GLG1: variants seen among roughly 807,000 people sequenced by gnomAD.
The protein encoded by GLG1 is Golgi apparatus protein 1.
A neutral mutation model predicts 160.5 loss-of-function variants in GLG1; 38 were observed. The observed-to-expected ratio is 0.24, with a 90% CI of 0.18 to 0.31. GLG1 has a LOEUF of 0.31. GLG1 is among the 10% of genes least tolerant of loss of function. The pLI is 1.00. For synonymous variants in GLG1, 644 were observed against 543.4 expected (o/e 1.19, Z -2.57); for missense variants, 1,373 against 1,505.2 (o/e 0.91, Z 1.45).
At chr16:74,559,474 A>C (rs1487794566) in intron 1 of GLG1, among the ~76,000 whole-genome samples, 6 of 109,736 alleles carry the variant, frequency 5.5e-5, no homozygotes. Flanking sequence ...CTGGGGGAGG[A>C]GGGGCGATGG....
intron 1 of GLG1, among the ~76,000 whole-genome samples, chr16:74,593,586 G>A (rs1325356694): frequency 2.0e-5 from 3 of 150,528 alleles, no homozygotes; most frequent in Non-Finnish European, 4.4e-5. Flanking sequence ...AGGCATGTGT[G>A]ACCATGCCTG....
rs577897478 is a variant in GLG1, at chr16:74,572,842, A to G, written c.438+33815T>C. ...AAGCCCAATTTATAGCAGGTTGGTC[A>G]GAAGCACAGGTCAAACCTGTGTTTG... On this transcript the variant is annotated intron_variant, in intron 1 of 25. Coordinates refer to ENST00000422840, the MANE Select transcript of GLG1 (RefSeq NM_001145667.2). Among the ~76,000 whole-genome samples, 3 of 152,358 alleles carry G rather than the reference A, an allele frequency of 2.0e-5. No individual in the cohort carries two copies. In the East Asian group the frequency reaches 5.8e-4, roughly 29 times the overall value.
chr16:74,593,546 T>C (rs554657841), intron 1 of GLG1, among the ~76,000 whole-genome samples: 3 of 151,094 alleles, frequency 2.0e-5, no homozygotes, highest in Admixed American at 6.6e-5. Flanking sequence ...GCGATTCTCC[T>C]GCCTCAGCCT....
intron 2 of GLG1, among the ~76,000 whole-genome samples, chr16:74,512,592 C>G (rs1363615192): frequency 6.6e-6 from 1 of 151,572 alleles, no homozygotes; most frequent in Non-Finnish European, 1.5e-5. Flanking sequence ...ATCCATGAAT[C>G]TATCTGTTCA....
chr16:74,476,383 T>C (rs2015391225), intron 12 of GLG1, among the ~76,000 whole-genome samples: 1 of 152,164 alleles, frequency 6.6e-6, no homozygotes, highest in African/African-American at 2.4e-5. Flanking sequence ...CCAACAGAAC[T>C]GTAGCAGGCT....
intron 3 of GLG1, among the ~76,000 whole-genome samples, chr16:74,506,023 C>A (rs1171867884): frequency 2.0e-5 from 1 of 50,596 alleles, no homozygotes; most frequent in African/African-American, 7.2e-5. Context: ...ATGAGAGACT[C>A]CATCTTAAAA....
At chr16:74,482,331 C>T (rs1203814026) in intron 10 of GLG1, among the ~76,000 whole-genome samples, 1 of 152,094 alleles carries the variant, frequency 6.6e-6, no homozygotes, top group Admixed American at 6.6e-5. Flanking sequence ...AACTACCACA[C>T]CATGGTGGCT....
At chr16:74,517,717 A>C (rs1232933377) in intron 2 of GLG1, among the ~76,000 whole-genome samples, 1 of 152,196 alleles carries the variant, frequency 6.6e-6, no homozygotes, top group Admixed American at 6.5e-5. Context: ...AGGCAAGAGA[A>C]AGCAATAAAG....
At chr16:74,559,430 G>A (rs902902823) in intron 1 of GLG1, among the ~76,000 whole-genome samples, 2 of 151,336 alleles carry the variant, frequency 1.3e-5, no homozygotes, top group African/African-American at 4.9e-5. Context: ...GGTGACAGAG[G>A]GAGATCCTGT....
intron 2 of GLG1, among the ~76,000 whole-genome samples, chr16:74,531,767 T>A (rs2017541986): frequency 6.6e-6 from 1 of 152,258 alleles, no homozygotes; most frequent in Non-Finnish European, 1.5e-5. Flanking sequence ...AGTCTCCTTT[T>A]AATGTGCTAC....
At chr16:74,548,715 G>A (rs190464038) in intron 1 of GLG1, among the ~76,000 whole-genome samples, 311 of 152,164 alleles carry the variant, frequency 2.0e-3, no homozygotes, top group Admixed American at 4.1e-3. Context: ...ACCAAACAGG[G>A]CCAGGTACAG....
intron 1 of GLG1, among the ~76,000 whole-genome samples, chr16:74,535,844 A>G (rs987275574): frequency 1.3e-5 from 2 of 152,218 alleles, no homozygotes; most frequent in African/African-American, 4.8e-5. Flanking sequence ...CCAAATCGCT[A>G]TGAAGAATTG....
rs566541505 is a variant in GLG1 at position 74,597,514 on chromosome 16, T to C, written c.438+9143A>G. Reference sequence around the variant, plus strand: ...CAAGCAGATCACCTGAGGTCAGGAGTTCAAGACCAGCATAGCCAACATGGC... The same window carrying C: ...CAAGCAGATCACCTGAGGTCAGGAGCTCAAGACCAGCATAGCCAACATGGC... On this transcript the variant is annotated intron_variant, in intron 1 of 25. Coordinates refer to ENST00000422840, the MANE Select transcript of GLG1 (RefSeq NM_001145667.2). Among the ~76,000 whole-genome samples, 6 of 143,864 alleles carry C rather than the reference T, an allele frequency of 4.2e-5. No homozygotes were observed. In the East Asian group the frequency reaches 1.2e-3, roughly 30 times the overall value. The allele number at this position is 143,864 out of a possible 152,430, so 94.4% of individuals were successfully genotyped here.
intron 19 of GLG1, among the ~76,000 whole-genome samples, chr16:74,464,471 G>A (rs907265418): frequency 6.6e-6 from 1 of 152,200 alleles, no homozygotes; most frequent in Non-Finnish European, 1.5e-5. Flanking sequence ...CTCCCTATCC[G>A]TTCTGCTAAT....
intron 1 of GLG1, among the ~76,000 whole-genome samples, chr16:74,551,392 C>A (rs2018193991): frequency 6.6e-6 from 1 of 151,814 alleles, no homozygotes; most frequent in Admixed American, 6.6e-5. Context: ...CCCCAACCCC[C>A]ACCTCAGCTC....
intron 1 of GLG1, among the ~76,000 whole-genome samples, chr16:74,600,731 C>CAAAAAAAAAA (rs56122377): frequency 1.0e-3 from 114 of 112,426 alleles, no homozygotes; most frequent in Non-Finnish European, 1.5e-3. Context: ...GATTCCACCT[C>CAAAAAAAAAA]AAAAAAAAAA....
At chr16:74,508,719 C>G in intron 3 of GLG1, 120 bp downstream of exon 3, 1 of 587,690 alleles carries the variant, frequency 1.7e-6, no homozygotes, top group South Asian at 2.2e-5. Context: ...TAATTTTCAA[C>G]CAAGACAGAT....
intron 1 of GLG1, among the ~76,000 whole-genome samples, chr16:74,576,302 G>A (rs118139453): frequency 0.024 from 3,579 of 152,166 alleles, 67 homozygotes; most frequent in Non-Finnish European, 0.032. Flanking sequence ...GACAAATTCC[G>A]TGAATTTCTA....
chr16:74,497,780 C>T (rs2016253585), intron 4 of GLG1, among the ~76,000 whole-genome samples: 1 of 152,178 alleles, frequency 6.6e-6, no homozygotes. Context: ...ACCACATAAT[C>T]CACTAAGAAG....
Sources: allele counts gnomAD v4.1 joint callset (sites outside exome capture counted in the v4.1 genomes callset), GRCh38; gene constraint gnomAD v4.1.1; transcripts MANE v1.5; gene names NCBI Gene and HGNC (gene_info 2026-07-23, HGNC 2026-07-21).